The following TBC1D13 variants were observed in gnomAD, a reference collection of about 807,000 sequenced individuals.
TBC1D13 encodes the protein epididymis secretory sperm binding protein.
A neutral mutation model predicts 53.6 loss-of-function variants in TBC1D13; 40 were observed. The observed-to-expected ratio is 0.75, with a 90% confidence interval of 0.58 to 0.97. The LOEUF (loss-of-function observed/expected upper bound fraction) is 0.97. TBC1D13 is among the 50% of genes least tolerant of loss of function. The pLI, the probability that TBC1D13 is intolerant of heterozygous loss-of-function variation, is 0.00. For missense variants in TBC1D13, 377 were observed against 499.4 expected (o/e 0.75, Z 2.34); for synonymous variants, 182 against 197.7 (o/e 0.92, Z 0.67).
intron 7 of TBC1D13, among the ~76,000 whole-genome samples, chr9:128,802,737 A>ATTTTT (rs34161473): frequency 1.8e-4 from 25 of 137,444 alleles, no homozygotes; most frequent in African/African-American, 4.6e-4. Flanking sequence ...CACATTGTCC[A>ATTTTT]TTTTTTTTTT....
intron 2 of TBC1D13, 59 bp downstream of exon 2, chr9:128,788,466 A>AG (rs1829470864): frequency 4.0e-6 from 6 of 1,518,948 alleles, no homozygotes; most frequent in Non-Finnish European, 9.1e-7. Context: ...GCTAGAATAC[A>AG]GGGGGAGGCC....
chr9:128,804,755 T>C, intron 9 of TBC1D13, among the ~76,000 whole-genome samples: 1 of 97,922 alleles, frequency 1.0e-5, no homozygotes, highest in Admixed American at 1.5e-4. Context: ...TGAGAAGGAC[T>C]CTCTCTCTCA....
rs921902121 is a variant in TBC1D13 at position 128,809,865 on chromosome 9, C to G, written c.*1986C>G. The G allele has an allele frequency of 1.3e-5, 2 of 152,494 alleles. No homozygotes were observed. The highest frequency in any genetic ancestry group is 2.9e-5 in the Non-Finnish European group (2 of 68,238). The allele number at this position is 152,494 out of a possible 1,614,324, so 9.4% of individuals were successfully genotyped here. On this transcript the variant is annotated 3_prime_UTR_variant, in exon 12 of 12. Coordinates refer to ENST00000372648, the MANE Select transcript of TBC1D13 (RefSeq NM_018201.5). ...TGAGGCAGAGGCATGATGCTTCCTGCTCACCTGGGCCACCCTCTCTCCAGG... is the reference window on the plus strand; with the variant it reads ...TGAGGCAGAGGCATGATGCTTCCTGGTCACCTGGGCCACCCTCTCTCCAGG...
At chr9:128,806,811 C>T (rs1455319736) in intron 11 of TBC1D13, among the ~76,000 whole-genome samples, 2 of 152,048 alleles carry the variant, frequency 1.3e-5, no homozygotes, top group Non-Finnish European at 2.9e-5. Context: ...GGCTTGGTGG[C>T]ATGCACCTGT....
chr9:128,807,741 C>T, intron 11 of TBC1D13, 73 bp from the exon 12 acceptor site: 1 of 1,520,562 alleles, frequency 6.6e-7, no homozygotes, highest in Non-Finnish European at 9.1e-7. Flanking sequence ...CAACGGGTCC[C>T]AGCAGGGAGG....
intron 7 of TBC1D13, among the ~76,000 whole-genome samples, chr9:128,799,959 T>G (rs1309042072): frequency 6.6e-6 from 1 of 152,174 alleles, no homozygotes; most frequent in Admixed American, 6.5e-5. Flanking sequence ...AGGCAGAGCT[T>G]GCAGTGAGCC....
chr9:128,798,250 CA>C (rs199705725), intron 7 of TBC1D13, among the ~76,000 whole-genome samples: 47 of 140,762 alleles, frequency 3.3e-4, no homozygotes, highest in Non-Finnish European at 2.6e-4. Flanking sequence ...GAGACCCTGT[CA>C]AAAAAAAAAA....
rs1564426902 is a variant in TBC1D13, at chr9:128,804,739, T to TG, written c.918+620_918+621insG. Reference sequence around the variant, plus strand: ...TTTTCTGTTTTTTTTTTTTTTTTTTTTTTTTTGAGAAGGACTCTCTCTCTC... The same window carrying TG: ...TTTTCTGTTTTTTTTTTTTTTTTTTTGTTTTTTGAGAAGGACTCTCTCTCTC... On this transcript the variant is annotated intron_variant, in intron 9 of 11. Coordinates refer to ENST00000372648, the MANE Select transcript of TBC1D13 (RefSeq NM_018201.5). Among the ~76,000 whole-genome samples, 516 of 139,904 alleles carry TG rather than the reference T, an allele frequency of 3.7e-3. 4 individuals are homozygous for TG. The highest frequency in any genetic ancestry group is 0.024 in the South Asian group (101 of 4,236). The allele number at this position is 139,904 out of a possible 152,430, so 91.8% of individuals were successfully genotyped here. A position where few individuals can be genotyped will look rare whatever the true frequency, so the allele number is the denominator to read the frequency against.
At chr9:128,807,764 C>G in intron 11 of TBC1D13, 50 bp from the exon 12 acceptor site, 1 of 1,589,538 alleles carries the variant, frequency 6.3e-7, no homozygotes, top group Non-Finnish European at 8.6e-7. Flanking sequence ...GTGGGTGTGG[C>G]AGGGGTGAAG....
At chr9:128,803,045 CTT>C (rs142741829) in intron 7 of TBC1D13, among the ~76,000 whole-genome samples, 1 of 151,926 alleles carries the variant, frequency 6.6e-6, no homozygotes, top group Non-Finnish European at 1.5e-5. Context: ...CATGTTGTCT[CTT>C]TTTTTGTTTT....
At chr9:128,805,720 GCCTGGTGCCAGC>G (rs1829818845) in intron 9 of TBC1D13, 127 bp from the exon 10 acceptor site, 2 of 940,056 alleles carry the variant, frequency 2.1e-6, no homozygotes, top group Non-Finnish European at 3.1e-6. Flanking sequence ...CTGTCCGGCA[GCCTGGTGCCAGC>G]CCTGGTGCTC....
chr9:128,792,722 TTGA>T, intron 6 of TBC1D13, 148 bp downstream of exon 6: 1 of 689,966 alleles, frequency 1.4e-6, no homozygotes. Flanking sequence ...CCAGGCACTA[TTGA>T]TGATAGGCTG....
Position 128,803,941 on chromosome 9 carries a change from C to G in TBC1D13, c.755-15C>G. ...TGGAGTGCGCCACTTCTGCCCCCAT[C>G]CTGCTCTCTCCCAGAGCACGCCGAG... On this transcript the variant is annotated splice_polypyrimidine_tract_variant and intron_variant, in intron 8 of 11. Coordinates refer to ENST00000372648, the MANE Select transcript of TBC1D13 (RefSeq NM_018201.5). 2 of 1,611,978 alleles carry G rather than the reference C, an allele frequency of 1.2e-6. No homozygotes were observed. Among genetic ancestry groups the G allele is most frequent in the Non-Finnish European group, 1.7e-6 (2 of 1,179,728 alleles).
At chr9:128,803,560 A>C in intron 8 of TBC1D13, 100 bp downstream of exon 8, 1 of 1,146,760 alleles carries the variant, frequency 8.7e-7, no homozygotes, top group Non-Finnish European at 1.3e-6. Flanking sequence ...CTGCCAGATG[A>C]GGAGTTGGCC....
At position 128,792,678 on chromosome 9, in the gene TBC1D13, C is replaced by T. The variant is rs1297729207; in HGVS notation, c.383+104C>T. The T allele has an allele frequency of 1.5e-5, 16 of 1,035,986 alleles. 1 individual carries two copies. The highest frequency in any genetic ancestry group is 2.1e-4 in the Middle Eastern group (1 of 4,678). The allele number at this position is 1,035,986 out of a possible 1,614,324, so 64.2% of individuals were successfully genotyped here. A position where few individuals can be genotyped will look rare whatever the true frequency, so the allele number is the denominator to read the frequency against. The stretch of plus-strand genomic sequence containing the variant: ...GGCCGGGCCTATGGGTGAGTGTTTG[C>T]GGAGCTGCTGGTGGATTGTCCCAGC... On this transcript the variant is annotated intron_variant, in intron 6 of 11. Coordinates refer to ENST00000372648, the MANE Select transcript of TBC1D13 (RefSeq NM_018201.5).
intron 5 of TBC1D13, 101 bp downstream of exon 5, chr9:128,791,794 C>T: frequency 1.0e-6 from 1 of 989,246 alleles, no homozygotes; most frequent in South Asian, 1.3e-5. Flanking sequence ...TAGGTGCAGT[C>T]TGGTGTCAGT....
At chr9:128,802,617 A>G (rs1829756706) in intron 7 of TBC1D13, among the ~76,000 whole-genome samples, 1 of 152,080 alleles carries the variant, frequency 6.6e-6, no homozygotes, top group African/African-American at 2.4e-5. Context: ...TTGTTTCCTC[A>G]TGGTGGCGTT....
At chr9:128,804,645 G>A (rs972409711) in intron 9 of TBC1D13, among the ~76,000 whole-genome samples, 4 of 150,730 alleles carry the variant, frequency 2.7e-5, no homozygotes, top group African/African-American at 7.3e-5. Flanking sequence ...TCCTGACCTC[G>A]TAATCCACCC....
Position 128,803,284 on chromosome 9 carries a change from C to G in TBC1D13, c.578C>G (p.Ser193Cys), listed in dbSNP as rs1446821531. The stretch of plus-strand genomic sequence containing the variant: ...CCACACAAGAACTCTGTGCCATCAT[C>G]CCTAAATGAGTATGAGGTGCTGCCC... ...SSPHKNSVPSSLNEYEVLPNG... is the reference protein window; with the variant it reads ...SSPHKNSVPSCLNEYEVLPNG... The change falls in exon 8 of 12, where the codon TCC (serine) becomes TGC (cysteine). Residue 193 changes from serine to cysteine, a missense_variant. By Grantham distance (112) the Ser-to-Cys change is moderately radical. Transcript: ENST00000372648. 1 of 1,614,188 alleles carries G rather than the reference C, an allele frequency of 6.2e-7. No individual in the cohort carries two copies. Among genetic ancestry groups the G allele is most frequent in the Admixed American group, 1.7e-5 (1 of 60,008 alleles).
Sources: gnomAD v4.1 joint callset for allele counts (sites outside exome capture counted in the v4.1 genomes callset) on GRCh38, gnomAD v4.1.1 for gene constraint, MANE v1.5 for transcripts, NCBI Gene and HGNC (gene_info 2026-07-23, HGNC 2026-07-21) for gene names.